The following ZFHX3 variants were observed in gnomAD, a reference collection of about 807,000 sequenced individuals.
ZFHX3 encodes the protein zinc finger homeobox 3.
A neutral mutation model predicts 279.1 loss-of-function variants in ZFHX3; 42 were observed. That is an observed-to-expected ratio of 0.15 (90% CI 0.12 to 0.19). ZFHX3 has a LOEUF of 0.19. ZFHX3 is among the 10% of genes least tolerant of loss of function. The probability of loss-of-function intolerance (pLI) is 1.00; values close to 1 mark genes in which losing one functional copy is unlikely to be tolerated. For synonymous variants in ZFHX3, 2,293 were observed against 1,957.8 expected, an observed-to-expected ratio of 1.17 and a Z score of -4.52; for missense variants, 4,981 against 4,754.0, an observed-to-expected ratio of 1.05 and a Z score of -1.40.
intron 3 of ZFHX3, among the ~76,000 whole-genome samples, chr16:73,428,713 A>G (rs1430883298): frequency 6.6e-6 from 1 of 152,214 alleles, no homozygotes; most frequent in Non-Finnish European, 1.5e-5. Context: ...ATGGATCACT[A>G]CAAGTCATTA....
At chr16:72,852,792 G>A (rs187430315) in intron 4 of ZFHX3, among the ~76,000 whole-genome samples, 1 of 152,234 alleles carries the variant, frequency 6.6e-6, no homozygotes, top group Non-Finnish European at 1.5e-5. Context: ...CGCTCCCCAT[G>A]GTAGTTTTCT....
chr16:72,812,745 C>G (rs1309371020), intron 5 of ZFHX3, among the ~76,000 whole-genome samples: 2 of 152,072 alleles, frequency 1.3e-5, no homozygotes, highest in Non-Finnish European at 2.9e-5. Flanking sequence ...ATCTGCTTGC[C>G]CAAACCATGC....
intron 1 of ZFHX3, among the ~76,000 whole-genome samples, chr16:73,790,132 T>C (rs948478294): frequency 3.3e-5 from 5 of 152,116 alleles, no homozygotes. Flanking sequence ...GGAGGGAGAA[T>C]TGGGTTGGCT....
At chr16:73,673,426 G>A (rs192803403) in intron 2 of ZFHX3, among the ~76,000 whole-genome samples, 2 of 151,942 alleles carry the variant, frequency 1.3e-5, no homozygotes, top group East Asian at 3.9e-4. Flanking sequence ...AGAGAAGATA[G>A]GAAAAGGCCT....
chr16:73,561,708 T>A (rs1366523477), intron 2 of ZFHX3, among the ~76,000 whole-genome samples: 3 of 152,218 alleles, frequency 2.0e-5, no homozygotes, highest in Non-Finnish European at 4.4e-5. Context: ...TCTTTTCCCT[T>A]CTGATTACAA....
At chr16:73,512,761 A>G (rs1038733044) in intron 2 of ZFHX3, among the ~76,000 whole-genome samples, 2 of 152,202 alleles carry the variant, frequency 1.3e-5, no homozygotes, top group African/African-American at 2.4e-5. Context: ...TTTGCTTTGC[A>G]TTCAGGAAAG....
intron 3 of ZFHX3, among the ~76,000 whole-genome samples, chr16:73,426,939 T>C (rs1431997649): frequency 3.3e-5 from 5 of 152,136 alleles, no homozygotes; most frequent in Admixed American, 2.6e-4. Context: ...GATTAGACTT[T>C]TAGTGTAATT....
chr16:73,340,438 C>T (rs530729994), intron 3 of ZFHX3, among the ~76,000 whole-genome samples: 3 of 152,206 alleles, frequency 2.0e-5, no homozygotes, highest in Non-Finnish European at 4.4e-5. Flanking sequence ...CATGGCTCAC[C>T]GCAGCCTTGC....
intron 5 of ZFHX3, among the ~76,000 whole-genome samples, chr16:73,145,464 G>A (rs1164650476): frequency 1.3e-5 from 2 of 152,210 alleles, no homozygotes; most frequent in African/African-American, 2.4e-5. Flanking sequence ...GGGAGGGGGC[G>A]ATTGGCTTTA....
intron 3 of ZFHX3, among the ~76,000 whole-genome samples, chr16:72,915,128 A>T (rs1350287852): frequency 6.6e-6 from 1 of 152,216 alleles, no homozygotes; most frequent in East Asian, 1.9e-4. Flanking sequence ...TGTAGGAAGC[A>T]ACAAATGTCC....
At chr16:73,064,075 C>A (rs146394547), upstream of ZFHX3, among the ~76,000 whole-genome samples, 2 of 152,054 alleles carry the variant, frequency 1.3e-5, no homozygotes, top group African/African-American at 4.8e-5. Context: ...GCATTTAGGA[C>A]GACAGCTCTT....
At chr16:73,359,660 T>C (rs2016403425) in intron 3 of ZFHX3, among the ~76,000 whole-genome samples, 1 of 152,172 alleles carries the variant, frequency 6.6e-6, no homozygotes, top group Non-Finnish European at 1.5e-5. Flanking sequence ...CCGGACCAGC[T>C]GTGGCATGGA....
intron 1 of ZFHX3, among the ~76,000 whole-genome samples, chr16:72,984,952 C>T (rs1383795944): frequency 1.3e-5 from 2 of 152,106 alleles, no homozygotes; most frequent in South Asian, 2.1e-4. Flanking sequence ...TATACACATA[C>T]ATCTCTCATA....
intron 1 of ZFHX3, among the ~76,000 whole-genome samples, chr16:73,878,720 C>T (rs2030037190): frequency 6.6e-6 from 1 of 150,738 alleles, no homozygotes; most frequent in Non-Finnish European, 1.5e-5. Flanking sequence ...GTATTTAATG[C>T]AAGAGGGAGG....
intron 4 of ZFHX3, among the ~76,000 whole-genome samples, chr16:73,270,476 G>A (rs1024790159): frequency 1.1e-4 from 16 of 152,096 alleles, no homozygotes; most frequent in Non-Finnish European, 2.2e-4. Flanking sequence ...CCTCTCCATC[G>A]CCCACAGCAC....
intron 2 of ZFHX3, among the ~76,000 whole-genome samples, chr16:73,466,987 G>C (rs1276707022): frequency 1.3e-5 from 2 of 152,154 alleles, no homozygotes. Context: ...GGTTGAGCGT[G>C]ACAGACCTGA....
chr16:73,224,493 C>T (rs956806316), intron 5 of ZFHX3, among the ~76,000 whole-genome samples: 20 of 152,264 alleles, frequency 1.3e-4, no homozygotes, highest in Admixed American at 1.3e-3. Flanking sequence ...GCAGATGGGC[C>T]TCATCTGACC....
At chr16:73,599,408 A>C (rs549364170) in intron 2 of ZFHX3, among the ~76,000 whole-genome samples, 1 of 152,228 alleles carries the variant, frequency 6.6e-6, no homozygotes, top group African/African-American at 2.4e-5. Flanking sequence ...GCAAAATGAA[A>C]ACGTGGAGCC....
intron 4 of ZFHX3, among the ~76,000 whole-genome samples, chr16:72,837,159 G>A (rs2037213062): frequency 6.6e-6 from 1 of 152,182 alleles, no homozygotes; most frequent in African/African-American, 2.4e-5. Flanking sequence ...CCCTCCAGGG[G>A]CGCCATTGCC....
Sources: allele counts gnomAD v4.1 joint callset (sites outside exome capture counted in the v4.1 genomes callset), GRCh38; gene constraint gnomAD v4.1.1; transcripts MANE v1.5; gene names NCBI Gene and HGNC (gene_info 2026-07-23, HGNC 2026-07-21).